The following NF1 variants were observed in gnomAD, a reference collection of about 807,000 sequenced individuals.
NF1 encodes neurofibromin.
A neutral mutation model predicts 325.7 loss-of-function variants in NF1; 122 were observed. That is an observed-to-expected ratio of 0.37 (90% CI 0.32 to 0.44). The LOEUF is 0.44. Among genes scored for constraint, NF1 ranks in the 20% least tolerant of loss-of-function variants. NF1 has a pLI of 1.00. For synonymous variants in NF1, 1,091 were observed against 1,186.0 expected (o/e 0.92, Z 1.65); for missense variants, 2,140 against 3,415.4 (o/e 0.63, Z 9.31).
At chr17:31,115,129 C>T (rs533495634) in intron 1 of NF1, among the ~76,000 whole-genome samples, 2 of 152,186 alleles carry the variant, frequency 1.3e-5, no homozygotes, top group South Asian at 2.1e-4. Flanking sequence ...ACAGTTTTAC[C>T]TCCCAGGGGA....
intron 27 of NF1, among the ~76,000 whole-genome samples, chr17:31,234,670 CAAAAAAAAAAA>C (rs754308242): frequency 1.6e-4 from 9 of 56,280 alleles, no homozygotes; most frequent in Admixed American, 1.1e-3. Flanking sequence ...GACTCTGTCT[CAAAAAAAAAAA>C]AAAAAAAAAA....
intron 3 of NF1, 46 bp downstream of exon 3, chr17:31,159,139 T>C: frequency 7.9e-7 from 1 of 1,266,902 alleles, no homozygotes; most frequent in African/African-American, 1.5e-5. Flanking sequence ...AATTTGATCT[T>C]GAGAATGATC....
intron 5 of NF1, among the ~76,000 whole-genome samples, chr17:31,171,876 C>T (rs547220272): frequency 5.2e-4 from 79 of 152,150 alleles, no homozygotes; most frequent in Non-Finnish European, 9.6e-4. Flanking sequence ...TGGAATCTGT[C>T]CCTAAGGAGC....
chr17:31,224,425 A>G (rs1038354714), intron 16 of NF1, among the ~76,000 whole-genome samples: 4 of 152,208 alleles, frequency 2.6e-5, no homozygotes, highest in African/African-American at 9.6e-5. Context: ...ACAGCTTGTT[A>G]TTAATAAATT....
intron 1 of NF1, among the ~76,000 whole-genome samples, chr17:31,130,578 A>C (rs1597595571): frequency 7.8e-6 from 1 of 127,980 alleles, no homozygotes; most frequent in Non-Finnish European, 1.6e-5. Flanking sequence ...AGTGGCCGGT[A>C]AGGGGTGGGG....
At chr17:31,197,617 G>A (rs1355658358) in intron 8 of NF1, among the ~76,000 whole-genome samples, 2 of 151,984 alleles carry the variant, frequency 1.3e-5, no homozygotes, top group African/African-American at 4.8e-5. Flanking sequence ...CATTGCTAAT[G>A]TATAGAAATC....
At chr17:31,349,394 T>G (rs1370441326) in intron 49 of NF1, 143 bp downstream of exon 49, 1 of 762,726 alleles carries the variant, frequency 1.3e-6, no homozygotes, top group African/African-American at 1.8e-5. Flanking sequence ...GTGGTTACAA[T>G]TTTGAGAGTT....
chr17:31,179,373 G>A (rs990806520), intron 5 of NF1, among the ~76,000 whole-genome samples: 1 of 152,126 alleles, frequency 6.6e-6, no homozygotes, highest in Admixed American at 6.5e-5. Context: ...TGTGTAGAGG[G>A]AAATTTATAG....
In NF1 at chr17:31,340,617, T is replaced by C. The variant is rs1555535195; in HGVS notation, c.7034T>C (p.Leu2345Ser). The change falls in exon 47 of 58, where the codon TTA becomes TCA. Residue 2345 changes from leucine (L) to serine (S), a missense_variant. Coordinates refer to ENST00000358273, the MANE Select transcript of NF1 (RefSeq NM_001042492.3). ...CTTCTTGAACAAAACCTGCATACTT[T>C]AGATAGTCTCCGTATATTCAATGAC... ...TALLEQNLHT[L>S]DSLRIFNDKS... is the part of the protein sequence containing the mutation. 2 of 1,614,176 alleles carry C rather than the reference T, an allele frequency of 1.2e-6. No individual in the cohort carries two copies. The highest frequency in any genetic ancestry group is 1.7e-6 in the Non-Finnish European group (2 of 1,180,014).
At position 31,229,911 on chromosome 17, in the gene NF1, C is replaced by T. The variant is rs755404523; in HGVS notation, c.2927C>T (p.Thr976Ile). 6.2e-7 allele frequency: 1 copy of T among 1,611,654 alleles called. No individual in the cohort carries two copies. Among genetic ancestry groups the T allele is most frequent in the African/African-American group, 1.3e-5 (1 of 74,824 alleles). ...ATGAAGAACTTGCTAGATAATCATA[C>T]TGAAGGCAGCTCTGAACATCTAGGG... ...AIMKNLLDNH[T>I]EGSSEHLGQA... The change falls in exon 22 of 58, where the codon ACT (threonine) becomes ATT (isoleucine). Residue 976 changes from threonine (T) to isoleucine (I), a missense_variant. This residue lies in a region of NF1 where 380 missense variants were observed against 639.3 expected (regional missense o/e 0.59). Coordinates refer to ENST00000358273, the MANE Select transcript of NF1 (RefSeq NM_001042492.3).
chr17:31,149,387 C>G (rs1916784035), intron 1 of NF1, among the ~76,000 whole-genome samples: 1 of 151,986 alleles, frequency 6.6e-6, no homozygotes. Flanking sequence ...CAGCCTCTGC[C>G]CCCTGGGTTG....
At chr17:31,365,198 TC>T (rs1172488013) in intron 57 of NF1, among the ~76,000 whole-genome samples, 2 of 145,046 alleles carry the variant, frequency 1.4e-5, no homozygotes, top group Non-Finnish European at 3.0e-5. Context: ...GGTGGGAGAA[TC>T]ACCTGAGCCG....
Position 31,260,420 on chromosome 17 carries a change from T to C in NF1, c.4482T>C (p.His1494=), listed in dbSNP as rs2151464642. 1 of 1,614,044 alleles carries C rather than the reference T, an allele frequency of 6.2e-7. No homozygotes were observed. Among genetic ancestry groups the C allele is most frequent in the Non-Finnish European group, 8.5e-7 (1 of 1,179,924 alleles). The change falls in exon 34 of 58, where the codon CAT becomes CAC. Residue 1494 remains histidine (H), a synonymous_variant. Coordinates refer to ENST00000358273, the MANE Select transcript of NF1 (RefSeq NM_001042492.3). Reference sequence around the variant, plus strand: ...GTCCTACAAGTGATGCAGTAAATCATAGTCTTTCCTTCATAAGTGACGGCA... The same window carrying C: ...GTCCTACAAGTGATGCAGTAAATCACAGTCTTTCCTTCATAAGTGACGGCA... ...SDCPTSDAVN[H]SLSFISDGNV... is the part of the protein sequence containing the mutation.
chr17:31,369,356 T>C (rs2070590123), intron 57 of NF1, among the ~76,000 whole-genome samples: 1 of 152,184 alleles, frequency 6.6e-6, no homozygotes, highest in African/African-American at 2.4e-5. Context: ...CTAGTTAGGA[T>C]TTTGTCTTTA....
intron 29 of NF1, among the ~76,000 whole-genome samples, chr17:31,241,517 A>T: frequency 6.6e-6 from 1 of 151,876 alleles, no homozygotes; most frequent in African/African-American, 2.4e-5. Flanking sequence ...CATCTGTTGT[A>T]TGTTTTTGAT....
At chr17:31,133,147 C>A (rs538720118) in intron 1 of NF1, 1 of 152,318 alleles carries the variant, frequency 6.6e-6, no homozygotes, top group South Asian at 2.1e-4. Flanking sequence ...CTTCCCATTC[C>A]TCCATGTTCC....
At chr17:31,242,514 A>G (rs746511381) in intron 29 of NF1, among the ~76,000 whole-genome samples, 2 of 151,610 alleles carry the variant, frequency 1.3e-5, no homozygotes, top group Non-Finnish European at 2.9e-5. Context: ...GTGTATTTTC[A>G]TATAGGCTGC....
intron 1 of NF1, among the ~76,000 whole-genome samples, chr17:31,153,406 T>A (rs931174102): frequency 6.6e-6 from 1 of 152,246 alleles, no homozygotes; most frequent in African/African-American, 2.4e-5. Flanking sequence ...CTTTTGAGTG[T>A]GCTCCATTCT....
chr17:31,290,920 C>T lies in NF1; in HGVS notation c.4835+25581C>T, dbSNP rs934421979. Among the ~76,000 whole-genome samples, 8 of 150,102 alleles carry T rather than the reference C, an allele frequency of 5.3e-5. No homozygotes were observed. In the East Asian group the frequency reaches 1.5e-3, roughly 29 times the overall value. On this transcript the variant is annotated intron_variant, in intron 36 of 57. Coordinates refer to ENST00000358273, the MANE Select transcript of NF1 (RefSeq NM_001042492.3). ...ACTCAGGAGGCTGAAGCAGAAGAATCGCTTGAACCCAGGAGGTGGAGGATG... is the reference window on the plus strand; with the variant it reads ...ACTCAGGAGGCTGAAGCAGAAGAATTGCTTGAACCCAGGAGGTGGAGGATG...
Sources: allele counts gnomAD v4.1 joint callset (sites outside exome capture counted in the v4.1 genomes callset), GRCh38; gene constraint gnomAD v4.1.1; regional missense constraint gnomAD v4.1.1; transcripts MANE v1.5; gene names NCBI Gene and HGNC (gene_info 2026-07-23, HGNC 2026-07-21).